Variants in NRG1 observed in about 807,000 individuals in gnomAD.
The protein encoded by NRG1 is neuregulin 1, also known as pro-neuregulin-1, membrane-bound isoform.
Under a neutral mutation model 63.8 loss-of-function variants are expected in NRG1, and 18 were observed. That is an observed-to-expected ratio of 0.28 (90% confidence interval 0.19 to 0.42). The LOEUF (loss-of-function observed/expected upper bound fraction) is 0.42, where lower values mean the gene tolerates loss of function less well. Among genes scored for constraint, NRG1 ranks in the 10% least tolerant of loss-of-function variants. NRG1 has a pLI of 1.00. For synonymous variants in NRG1, 302 were observed against 301.3 expected (o/e 1.00, Z -0.02); for missense variants, 762 against 814.7 (o/e 0.94, Z 0.79).
chr8:32,519,582 G>T (rs185995432), intron 1 of NRG1, among the ~76,000 whole-genome samples: 1 of 152,172 alleles, frequency 6.6e-6, no homozygotes, highest in East Asian at 1.9e-4. Context: ...TCCCCTGGGA[G>T]ATCCTAAGAT....
chr8:32,556,900 A>G (rs902405887), intron 1 of NRG1, among the ~76,000 whole-genome samples: 1 of 152,222 alleles, frequency 6.6e-6, no homozygotes, highest in Non-Finnish European at 1.5e-5. Context: ...TCAAAATTCC[A>G]ATTTGCAGTG....
chr8:32,306,099 C>T (rs1295747237), intron 1 of NRG1, among the ~76,000 whole-genome samples: 1 of 152,162 alleles, frequency 6.6e-6, no homozygotes, highest in Non-Finnish European at 1.5e-5. Flanking sequence ...TAACTCCCCT[C>T]AGCAAGTTTA....
intron 5 of NRG1, among the ~76,000 whole-genome samples, chr8:32,649,474 A>T (rs1563853184): frequency 6.6e-6 from 1 of 152,174 alleles, no homozygotes; most frequent in Non-Finnish European, 1.5e-5. Context: ...AAGATCAGAA[A>T]ATTTGGTTCT....
chr8:32,100,601 T>C (rs1380385557), intron 1 of NRG1, among the ~76,000 whole-genome samples: 2 of 152,108 alleles, frequency 1.3e-5, no homozygotes, highest in Admixed American at 6.6e-5. Flanking sequence ...AGACAGTTCA[T>C]GGCTTTAGAC....
chr8:32,509,636 G>T (rs1828940933), intron 1 of NRG1, among the ~76,000 whole-genome samples: 1 of 152,114 alleles, frequency 6.6e-6, no homozygotes, highest in African/African-American at 2.4e-5. Flanking sequence ...TTGGTTGTTT[G>T]TTTATTCCAT....
At chr8:32,012,581 C>A (rs1023146769) in intron 1 of NRG1, among the ~76,000 whole-genome samples, 1 of 151,864 alleles carries the variant, frequency 6.6e-6, no homozygotes, top group African/African-American at 2.4e-5. Flanking sequence ...TGGAAATAAG[C>A]AAAAGTAGAG....
At chr8:31,994,608 T>C (rs1029421301) in intron 1 of NRG1, among the ~76,000 whole-genome samples, 1 of 126,704 alleles carries the variant, frequency 7.9e-6, no homozygotes, top group Non-Finnish European at 1.6e-5. Flanking sequence ...GAACTATGAT[T>C]GTGCCATTGT....
At chr8:31,721,158 T>C (rs760509142) in intron 1 of NRG1, among the ~76,000 whole-genome samples, 102 of 152,158 alleles carry the variant, frequency 6.7e-4, no homozygotes, top group Non-Finnish European at 2.5e-4. Context: ...TTAGGAAACT[T>C]TGCCAATTTT....
intron 5 of NRG1, among the ~76,000 whole-genome samples, chr8:32,672,452 T>G (rs1348804468): frequency 2.6e-5 from 4 of 152,174 alleles, no homozygotes; most frequent in Non-Finnish European, 1.5e-5. Flanking sequence ...ACATGAAAAA[T>G]AGTGGCACCT....
At chr8:32,586,338 G>C (rs1841615630) in intron 1 of NRG1, among the ~76,000 whole-genome samples, 1 of 152,014 alleles carries the variant, frequency 6.6e-6, no homozygotes, top group East Asian at 1.9e-4. Flanking sequence ...GTGAAGTACA[G>C]GGCAAGGAAC....
chr8:32,561,335 A>G (rs1836353505), intron 1 of NRG1, among the ~76,000 whole-genome samples: 1 of 152,228 alleles, frequency 6.6e-6, no homozygotes, highest in Non-Finnish European at 1.5e-5. Context: ...GCTGTAAATC[A>G]ACCGAATCTT....
intron 1 of NRG1, among the ~76,000 whole-genome samples, chr8:32,458,250 T>C (rs1473053549): frequency 6.6e-6 from 1 of 152,150 alleles, no homozygotes; most frequent in Non-Finnish European, 1.5e-5. Context: ...ATTGGATCCA[T>C]AGTAATCACT....
At chr8:32,505,106 C>T (rs1301999642) in intron 1 of NRG1, among the ~76,000 whole-genome samples, 1 of 152,020 alleles carries the variant, frequency 6.6e-6, no homozygotes, top group Admixed American at 6.5e-5. Flanking sequence ...AGGGTTGCTG[C>T]GTATCATTGT....
chr8:32,057,808 G>C (rs141056483), intron 1 of NRG1, among the ~76,000 whole-genome samples: 219 of 152,194 alleles, frequency 1.4e-3, no homozygotes, highest in Admixed American at 2.8e-3. Context: ...ATATCTTTAT[G>C]GTTCCTGACC....
intron 1 of NRG1, among the ~76,000 whole-genome samples, chr8:31,975,862 T>A (rs1246377787): frequency 6.6e-6 from 1 of 152,210 alleles, no homozygotes; most frequent in Non-Finnish European, 1.5e-5. Flanking sequence ...ATGCTATAAA[T>A]ACATAATTAT....
intron 1 of NRG1, among the ~76,000 whole-genome samples, chr8:31,973,497 C>T (rs945677590): frequency 6.6e-6 from 1 of 152,110 alleles, no homozygotes; most frequent in Non-Finnish European, 1.5e-5. Flanking sequence ...AGCTCTCTTA[C>T]AGAATAGATG....
intron 1 of NRG1, among the ~76,000 whole-genome samples, chr8:32,157,263 G>T (rs1838206994): frequency 6.6e-6 from 1 of 150,690 alleles, no homozygotes; most frequent in African/African-American, 2.5e-5. Flanking sequence ...TACTCGGGAG[G>T]CTGAGGCATG....
chr8:32,286,334 G>A (rs572574345), intron 1 of NRG1, among the ~76,000 whole-genome samples: 13 of 152,178 alleles, frequency 8.5e-5, no homozygotes, highest in Non-Finnish European at 1.6e-4. Flanking sequence ...TTCCTGCTGC[G>A]GAAGGCAGCC....
intron 1 of NRG1, among the ~76,000 whole-genome samples, chr8:32,128,284 T>A (rs1834366854): frequency 6.6e-6 from 1 of 151,948 alleles, no homozygotes. Context: ...TGCATTATCC[T>A]GGCTTTATGC....
Sources: gnomAD v4.1 joint callset for allele counts (sites outside exome capture counted in the v4.1 genomes callset) on GRCh38, gnomAD v4.1.1 for gene constraint, MANE v1.5 for transcripts, NCBI Gene and HGNC (gene_info 2026-07-23, HGNC 2026-07-21) for gene names.